GARNL3: variants seen among roughly 807,000 people sequenced by gnomAD.
GARNL3 encodes GTPase-activating Rap/Ran-GAP domain-like protein 3.
A neutral mutation model predicts 125.0 loss-of-function variants in GARNL3; 63 were observed. That is an observed-to-expected ratio of 0.50 (90% CI 0.41 to 0.62). The LOEUF (loss-of-function observed/expected upper bound fraction) is 0.62. Among genes scored for constraint, GARNL3 ranks in the 20% least tolerant of loss-of-function variants. The pLI is 0.00. For missense variants in GARNL3, 994 were observed against 1,244.0 expected, an observed-to-expected ratio of 0.80 and a Z score of 3.02; for synonymous variants, 439 against 457.5, an observed-to-expected ratio of 0.96 and a Z score of 0.52.
chr9:127,286,497 G>A (rs1452007486), intron 1 of GARNL3, among the ~76,000 whole-genome samples: 1 of 152,134 alleles, frequency 6.6e-6, no homozygotes, highest in African/African-American at 2.4e-5. Flanking sequence ...TCCCAGATAT[G>A]TTCTCTGTTT....
rs771642419 is a variant in GARNL3, at chr9:127,354,391, C to G, written c.1740C>G (p.Asn580Lys). The change falls in exon 19 of 28, where the codon AAC becomes AAG. Residue 580 changes from asparagine to lysine, a missense_variant. By Grantham distance (94) the Asn-to-Lys change is moderately conservative. Coordinates refer to ENST00000373387, the MANE Select transcript of GARNL3 (RefSeq NM_032293.5). The part of the protein sequence containing the change: ...AGKSRSDCRE[N>K]KLEKTKGCHL... ...AGAGCAGGTCTGACTGCAGAGAAAA[C>G]AAGTTGGAGAAAACAAAAGGTGACT... The G allele has an allele frequency of 6.2e-7, 1 of 1,609,226 alleles. No individual in the cohort carries two copies. The highest frequency in any genetic ancestry group is 1.3e-5 in the African/African-American group (1 of 74,678).
At chr9:127,262,205 G>A (rs982883526), upstream of GARNL3, among the ~76,000 whole-genome samples, 22 of 152,224 alleles carry the variant, frequency 1.4e-4, no homozygotes, top group African/African-American at 5.3e-4. Context: ...AGGTAAAACA[G>A]CAGCTTTAAC....
chr9:127,341,704 G>A (rs1163381287), intron 13 of GARNL3, among the ~76,000 whole-genome samples: 4 of 152,186 alleles, frequency 2.6e-5, no homozygotes, highest in Non-Finnish European at 5.9e-5. Context: ...GCAGCACTAG[G>A]GACCCGGCTT....
chr9:127,264,444 G>T (rs2063658748), upstream of GARNL3: 4 of 871,138 alleles, frequency 4.6e-6, no homozygotes, highest in Non-Finnish European at 4.1e-6. Context: ...GGGGGACAGA[G>T]GGTGGAGCCT....
At chr9:127,227,174 G>A (rs2062927692) in intron 1 of GARNL3, among the ~76,000 whole-genome samples, 1 of 152,094 alleles carries the variant, frequency 6.6e-6, no homozygotes, top group Non-Finnish European at 1.5e-5. Flanking sequence ...CCTCTCCTTT[G>A]TCTTCATAAC....
chr9:127,230,446 G>C (rs891275069), intron 1 of GARNL3, among the ~76,000 whole-genome samples: 2 of 152,080 alleles, frequency 1.3e-5, no homozygotes, highest in African/African-American at 4.8e-5. Context: ...GATCACCTGA[G>C]GTCGGGAGTT....
chr9:127,330,264 C>A (rs1447900719), intron 7 of GARNL3, among the ~76,000 whole-genome samples: 1 of 152,096 alleles, frequency 6.6e-6, no homozygotes, highest in Non-Finnish European at 1.5e-5. Context: ...TTTAAGGGAC[C>A]CTTGAGACAT....
chr9:127,263,917 C>A, upstream of GARNL3: 1 of 1,485,516 alleles, frequency 6.7e-7, no homozygotes, highest in Non-Finnish European at 8.9e-7. Flanking sequence ...GGTTGCTAAA[C>A]ATCAGAGTCA....
chr9:127,330,602 C>T (rs142925160), intron 7 of GARNL3, among the ~76,000 whole-genome samples: 37 of 152,236 alleles, frequency 2.4e-4, no homozygotes, highest in African/African-American at 8.4e-4. Flanking sequence ...GAAACAGATA[C>T]GCAAGTTCAA....
intron 6 of GARNL3, among the ~76,000 whole-genome samples, chr9:127,322,764 A>C (rs187815018): frequency 6.6e-6 from 1 of 152,216 alleles, no homozygotes; most frequent in Non-Finnish European, 1.5e-5. Flanking sequence ...GTTATAAAGA[A>C]GGCATCTTTC....
At chr9:127,286,634 T>C (rs2064257592) in intron 1 of GARNL3, among the ~76,000 whole-genome samples, 1 of 152,236 alleles carries the variant, frequency 6.6e-6, no homozygotes, top group African/African-American at 2.4e-5. Context: ...TAATTACACT[T>C]TTCATCTGAA....
chr9:127,324,973 T>A (rs963818477), intron 6 of GARNL3, 96 bp from the exon 7 acceptor site: 71 of 1,228,466 alleles, frequency 5.8e-5, no homozygotes, highest in Non-Finnish European at 8.4e-5. Context: ...TTTCAAAATG[T>A]CAGTGTGAGC....
chr9:127,315,283 G>A (rs1466340269), intron 4 of GARNL3, among the ~76,000 whole-genome samples: 2 of 152,122 alleles, frequency 1.3e-5, no homozygotes, highest in African/African-American at 4.8e-5. Flanking sequence ...ACAGAAATAT[G>A]TGATTCAACC....
chr9:127,347,285 G>C (rs1323448575), intron 16 of GARNL3, among the ~76,000 whole-genome samples: 2 of 152,062 alleles, frequency 1.3e-5, no homozygotes, highest in African/African-American at 4.8e-5. Flanking sequence ...AGCCGGGCAT[G>C]GTGGCTCATG....
At chr9:127,249,210 A>G (rs1389687699) in intron 2 of GARNL3, among the ~76,000 whole-genome samples, 2 of 152,210 alleles carry the variant, frequency 1.3e-5, no homozygotes, top group East Asian at 3.8e-4. Flanking sequence ...TAAAGAAAGT[A>G]AAAATGGAAA....
chr9:127,335,261 T>G lies in GARNL3; in HGVS notation c.801T>G (p.Thr267=), dbSNP rs1829485948. ...CCACAGGGATACATTCAGTTTATAC[T>G]GTGTACCAAGGGCATGAGATCATGT... ...NDTTGIHSVY[T]VYQGHEIMFH... The change falls in exon 10 of 28, where the codon ACT becomes ACG. Residue 267 remains threonine, a synonymous_variant. Coordinates refer to ENST00000373387, the MANE Select transcript of GARNL3 (RefSeq NM_032293.5). 15 of 1,613,954 alleles carry G rather than the reference T, an allele frequency of 9.3e-6. No individual in the cohort carries two copies. The East Asian group carries it at 3.3e-4, about 36-fold the overall frequency.
chr9:127,282,460 C>T (rs763822003), intron 1 of GARNL3, among the ~76,000 whole-genome samples: 3 of 152,116 alleles, frequency 2.0e-5, no homozygotes, highest in Non-Finnish European at 2.9e-5. Flanking sequence ...CAGTCATTGT[C>T]CCCATTTTAG....
At chr9:127,243,611 T>C (rs1588674114) in intron 2 of GARNL3, among the ~76,000 whole-genome samples, 1 of 152,204 alleles carries the variant, frequency 6.6e-6, no homozygotes, top group East Asian at 1.9e-4. Context: ...AATAAACATT[T>C]ACAGAATGCC....
intron 27 of GARNL3, 133 bp downstream of exon 27, chr9:127,390,900 T>C: frequency 1.1e-6 from 1 of 894,688 alleles, no homozygotes; most frequent in East Asian, 2.6e-5. Flanking sequence ...AGCAGCCTGT[T>C]CCTCTCTGAG....
Sources: allele counts gnomAD v4.1 joint callset (sites outside exome capture counted in the v4.1 genomes callset), GRCh38; gene constraint gnomAD v4.1.1; transcripts MANE v1.5; gene names NCBI Gene and HGNC (gene_info 2026-07-23, HGNC 2026-07-21).